Variants in WFDC8 observed in about 807,000 individuals in gnomAD.
The protein encoded by WFDC8 is WAP four-disulfide core domain protein 8.
Under a neutral mutation model 27.0 loss-of-function variants are expected in WFDC8, and 24 were observed. The ratio of observed to expected loss-of-function variants is 0.89; its 90% CI spans 0.64 to 1.25. The LOEUF is 1.25. Among genes scored for constraint, WFDC8 ranks in the 50% most tolerant of loss-of-function variants. The pLI is 0.00. For synonymous variants in WFDC8, 106 were observed against 99.7 expected (o/e 1.06, Z -0.38); for missense variants, 287 against 295.9 (o/e 0.97, Z 0.22).
At chr20:45,578,860 C>A (rs1981135029) in intron 1 of WFDC8, among the ~76,000 whole-genome samples, 1 of 152,116 alleles carries the variant, frequency 6.6e-6, no homozygotes, top group Non-Finnish European at 1.5e-5. Flanking sequence ...CAAAGATGCC[C>A]AACTTACCCT....
intron 1 of WFDC8, among the ~76,000 whole-genome samples, chr20:45,575,833 A>G (rs1981026356): frequency 6.6e-6 from 1 of 151,222 alleles, no homozygotes; most frequent in African/African-American, 2.4e-5. Flanking sequence ...CCCTGTTTCC[A>G]TGGCTGAGAG....
intron 3 of WFDC8, among the ~76,000 whole-genome samples, chr20:45,556,153 G>C (rs1163394770): frequency 6.6e-6 from 1 of 152,176 alleles, no homozygotes; most frequent in African/African-American, 2.4e-5. Flanking sequence ...CCTGAGCTTT[G>C]GTAGGGCAAG....
chr20:45,558,837 C>G lies in WFDC8; in HGVS notation c.277+15G>C, dbSNP rs1385759164. ...AGAAGTGGGGAACCTCTGTCCTCAG[C>G]CTGGACATCGCTACCTTGAAAGGGA... On this transcript the variant is annotated intron_variant, in intron 3 of 5. Transcript: ENST00000289953. 4 of 1,613,786 alleles carry G rather than the reference C, an allele frequency of 2.5e-6. No homozygotes were observed. The highest frequency in any genetic ancestry group is 2.7e-5 in the African/African-American group (2 of 74,918).
chr20:45,563,190 C>T (rs947541477), intron 1 of WFDC8, among the ~76,000 whole-genome samples: 1 of 152,278 alleles, frequency 6.6e-6, no homozygotes, highest in Admixed American at 6.5e-5. Context: ...AGTGCCTATA[C>T]TCTCTGGTCA....
intron 2 of WFDC8, among the ~76,000 whole-genome samples, chr20:45,560,965 G>A (rs1417001559): frequency 6.6e-6 from 1 of 152,190 alleles, no homozygotes; most frequent in Non-Finnish European, 1.5e-5. Flanking sequence ...AAAGCAGGCA[G>A]TGGGCTCCAG....
At chr20:45,575,630 AGCAGAGGTT>A (rs1201536017) in intron 1 of WFDC8, among the ~76,000 whole-genome samples, 1 of 151,260 alleles carries the variant, frequency 6.6e-6, no homozygotes, top group Non-Finnish European at 1.5e-5. Flanking sequence ...TTCCCCAAAT[AGCAGAGGTT>A]GCACTTTGCA....
At position 45,562,272 on chromosome 20, in the gene WFDC8, A is replaced by G. The variant is rs959984685; in HGVS notation, c.27-53T>C. The G allele has an allele frequency of 3.3e-5, 49 of 1,484,280 alleles. No individual in the cohort carries two copies. The Admixed American group carries it at 8.3e-4, about 25-fold the overall frequency. The allele number at this position is 1,484,280 out of a possible 1,614,324, so 91.9% of individuals were successfully genotyped here. ...TTAAGCACAATCCAGAGAGAGACAC[A>G]AAGTGTGTGCAGGGGAACCTTAGAG... On this transcript the variant is annotated intron_variant, in intron 1 of 5. Transcript: ENST00000289953.
intron 1 of WFDC8, 33 bp downstream of exon 1, chr20:45,579,189 C>A (rs1230089776): frequency 6.2e-7 from 1 of 1,611,976 alleles, no homozygotes; most frequent in African/African-American, 1.3e-5. Flanking sequence ...CCCTCCATGT[C>A]TGGCTACCCA....
intron 1 of WFDC8, among the ~76,000 whole-genome samples, chr20:45,564,518 C>T (rs745328163): frequency 5.3e-5 from 8 of 151,950 alleles, no homozygotes; most frequent in South Asian, 2.1e-4. Context: ...AAACAAAATA[C>T]AAAAAATTAA....
chr20:45,555,889 A>G (rs1379287751), intron 3 of WFDC8, 21 bp from the exon 4 acceptor site: 7 of 1,611,678 alleles, frequency 4.3e-6, no homozygotes, highest in African/African-American at 1.3e-5. Context: ...GAAGCAAGGA[A>G]AGAAGGATAT....
At chr20:45,557,009 T>C (rs1310260170) in intron 3 of WFDC8, among the ~76,000 whole-genome samples, 1 of 152,206 alleles carries the variant, frequency 6.6e-6, no homozygotes, top group African/African-American at 2.4e-5. Context: ...CTGAGAAGTA[T>C]GCTTAGCAAA....
At chr20:45,552,293 T>A in intron 5 of WFDC8, 128 bp from the exon 6 acceptor site, 1 of 1,132,474 alleles carries the variant, frequency 8.8e-7, no homozygotes, top group Non-Finnish European at 1.3e-6. Context: ...CCCCCTACAG[T>A]AACAATAGAC....
chr20:45,558,167 G>A (rs1306239803), intron 3 of WFDC8, among the ~76,000 whole-genome samples: 1 of 152,104 alleles, frequency 6.6e-6, no homozygotes, highest in African/African-American at 2.4e-5. Flanking sequence ...CCCGCTTTCT[G>A]ACAGCACCCA....
chr20:45,579,090 G>A (rs919963266), intron 1 of WFDC8, 132 bp downstream of exon 1: 14 of 833,562 alleles, frequency 1.7e-5, no homozygotes, highest in Non-Finnish European at 2.4e-5. Context: ...GCTCTGTTCT[G>A]TGGAACCCCT....
At chr20:45,551,585 C>T (rs186320306), downstream of WFDC8, 284 of 145,180 alleles carry the variant, frequency 2.0e-3, 1 homozygote, top group Admixed American at 3.2e-3. Context: ...GCCGAGATTG[C>T]GCCTGGGCAA....
intron 1 of WFDC8, among the ~76,000 whole-genome samples, chr20:45,564,114 T>C (rs540592354): frequency 1.2e-4 from 18 of 152,316 alleles, no homozygotes; most frequent in Admixed American, 3.3e-4. Context: ...TGGGGTTTGT[T>C]TGGGCAAGAG....
intron 1 of WFDC8, among the ~76,000 whole-genome samples, chr20:45,565,762 G>A (rs1003183411): frequency 2.6e-5 from 4 of 152,204 alleles, no homozygotes; most frequent in African/African-American, 7.2e-5. Context: ...ATTCAGGAGT[G>A]TGATAGTTGC....
intron 1 of WFDC8, among the ~76,000 whole-genome samples, chr20:45,570,519 G>C (rs1052708451): frequency 6.6e-6 from 1 of 151,950 alleles, no homozygotes; most frequent in Non-Finnish European, 1.5e-5. Context: ...GCTGAATTTT[G>C]TCCATTCTAT....
intron 4 of WFDC8, among the ~76,000 whole-genome samples, chr20:45,554,179 T>G (rs942323550): frequency 2.0e-4 from 30 of 151,890 alleles, no homozygotes; most frequent in Middle Eastern, 3.4e-3. Context: ...TGTGTTTTTG[T>G]TTTTGTTTTT....
Sources: allele counts gnomAD v4.1 joint callset (sites outside exome capture counted in the v4.1 genomes callset), GRCh38; gene constraint gnomAD v4.1.1; transcripts MANE v1.5; gene names NCBI Gene and HGNC (gene_info 2026-07-23, HGNC 2026-07-21).